The following SPIRE1 variants were observed in gnomAD, a reference collection of about 807,000 sequenced individuals.
SPIRE1 encodes protein spire homolog 1.
In SPIRE1, 40 loss-of-function variants were observed where a neutral mutation model predicts 94.1. The observed-to-expected ratio is 0.43, with a 90% CI of 0.33 to 0.55. The LOEUF (loss-of-function observed/expected upper bound fraction) is 0.55. SPIRE1 is among the 20% of genes least tolerant of loss of function. The pLI, the probability that SPIRE1 is intolerant of heterozygous loss-of-function variation, is 0.06. For missense variants in SPIRE1, 838 were observed against 975.2 expected (o/e 0.86, Z 1.87); for synonymous variants, 376 against 371.7 (o/e 1.01, Z -0.13).
chr18:12,658,095 C>A lies in SPIRE1; in HGVS notation c.-229G>T, dbSNP rs2038611679. On this transcript the variant is annotated 5_prime_UTR_variant, in exon 1 of 17. Coordinates refer to ENST00000409402, the MANE Select transcript of SPIRE1 (RefSeq NM_001128626.2). ...TCAGACAGCCGCCGGCCGGTAGCGA[C>A]GCGATGGCGTCCGGCGCCCCGCCCC... is the stretch of plus-strand genomic sequence containing the variant. 2 of 987,354 alleles carry A rather than the reference C, an allele frequency of 2.0e-6. No individual in the cohort carries two copies. Among genetic ancestry groups the A allele is most frequent in the Non-Finnish European group, 2.4e-6 (2 of 831,774 alleles). 61.2% of individuals were successfully genotyped at this position (987,354 alleles called of 1,614,324 possible). A position where few individuals can be genotyped will look rare whatever the true frequency, so the allele number is the denominator to read the frequency against.
chr18:12,601,082 C>G (rs368492116), intron 2 of SPIRE1, among the ~76,000 whole-genome samples: 10 of 152,210 alleles, frequency 6.6e-5, no homozygotes, highest in African/African-American at 2.4e-4. Flanking sequence ...GGCAGTCCTG[C>G]AAGCTGACTC....
chr18:12,584,528 T>C (rs932446609), intron 2 of SPIRE1, among the ~76,000 whole-genome samples: 1 of 152,032 alleles, frequency 6.6e-6, no homozygotes, highest in African/African-American at 2.4e-5. Flanking sequence ...CTGTACCAAA[T>C]AATATAGTCT....
chr18:12,615,847 T>C (rs2037293189), intron 2 of SPIRE1, among the ~76,000 whole-genome samples: 1 of 152,152 alleles, frequency 6.6e-6, no homozygotes, highest in African/African-American at 2.4e-5. Flanking sequence ...TCTCCTTTCA[T>C]TTCCTGCCTT....
chr18:12,530,900 T>C (rs2034661859), intron 4 of SPIRE1, among the ~76,000 whole-genome samples: 1 of 152,158 alleles, frequency 6.6e-6, no homozygotes, highest in African/African-American at 2.4e-5. Flanking sequence ...ACTGGAGAAT[T>C]TGGTGAGCAT....
intron 12 of SPIRE1, among the ~76,000 whole-genome samples, chr18:12,457,532 C>T (rs552186894): frequency 3.3e-5 from 5 of 152,234 alleles, no homozygotes; most frequent in Admixed American, 6.5e-5. Context: ...CAGATGTGGC[C>T]GGGTAAAGAA....
chr18:12,658,341 A>G (rs954597595), upstream of SPIRE1: 1 of 431,364 alleles, frequency 2.3e-6, no homozygotes, highest in Non-Finnish European at 4.6e-6. Flanking sequence ...TGGGGGCGCA[A>G]TGGTGAGGGC....
At position 12,657,566 on chromosome 18, in the gene SPIRE1, C is replaced by T; in HGVS notation, c.301G>A (p.Ala101Thr). Reference protein sequence around the residue: ...WRDGAVTLAPAADDAGEPPPV... With the variant: ...WRDGAVTLAPTADDAGEPPPV... ...GGCGGCTCTCCCGCGTCGTCGGCCG[C>T]GGGCGCCAGGGTGACGGCGCCGTCC... Residue 101 changes from alanine to threonine, a missense_variant, in exon 1 of 17, where the codon GCG becomes ACG. Physicochemically the swap from Ala to Thr is moderately conservative, Grantham distance 58. Around this residue, in one of 2 missense-constraint regions of SPIRE1, gnomAD observed 193 missense variants for 170.5 expected, o/e 1.13. Coordinates refer to ENST00000409402, the MANE Select transcript of SPIRE1 (RefSeq NM_001128626.2). 2 of 1,236,646 alleles carry T rather than the reference C, an allele frequency of 1.6e-6. No individual in the cohort carries two copies. The highest frequency in any genetic ancestry group is 2.0e-6 in the Non-Finnish European group (2 of 990,612). 76.6% of individuals were successfully genotyped at this position (1,236,646 alleles called of 1,614,324 possible). A position where few individuals can be genotyped will look rare whatever the true frequency, so the allele number is the denominator to read the frequency against.
intron 4 of SPIRE1, among the ~76,000 whole-genome samples, chr18:12,515,502 G>A (rs1187725180): frequency 6.6e-6 from 1 of 152,170 alleles, no homozygotes; most frequent in African/African-American, 2.4e-5. Context: ...GGGCGACAGA[G>A]AGAAACCCTG....
At chr18:12,552,602 A>G (rs111351215) in intron 2 of SPIRE1, among the ~76,000 whole-genome samples, 1 of 152,054 alleles carries the variant, frequency 6.6e-6, no homozygotes, top group Non-Finnish European at 1.5e-5. Context: ...GTAGTTAAAG[A>G]TCAACCCCTG....
At chr18:12,552,641 C>T (rs937504833) in intron 2 of SPIRE1, among the ~76,000 whole-genome samples, 1 of 152,092 alleles carries the variant, frequency 6.6e-6, no homozygotes, top group African/African-American at 2.4e-5. Flanking sequence ...ATAAAAAAAG[C>T]ACTGTGAAGA....
At chr18:12,455,863 T>C (rs963879519) in intron 12 of SPIRE1, among the ~76,000 whole-genome samples, 2 of 152,236 alleles carry the variant, frequency 1.3e-5, no homozygotes, top group South Asian at 4.1e-4. Context: ...AGTCAGTTTA[T>C]GGAGTTTTAA....
intron 8 of SPIRE1, 40 bp downstream of exon 8, chr18:12,493,032 G>A: frequency 6.4e-7 from 1 of 1,553,678 alleles, no homozygotes; most frequent in Non-Finnish European, 8.7e-7. Context: ...CTTTTCCCAG[G>A]GGATGACTCT....
chr18:12,589,936 A>G (rs1053103892), intron 2 of SPIRE1, among the ~76,000 whole-genome samples: 5 of 152,256 alleles, frequency 3.3e-5, no homozygotes, highest in African/African-American at 1.2e-4. Context: ...ATTTATATTG[A>G]TAAGAACAGA....
At chr18:12,620,732 C>G (rs1040120622) in intron 2 of SPIRE1, among the ~76,000 whole-genome samples, 1 of 152,056 alleles carries the variant, frequency 6.6e-6, no homozygotes, top group African/African-American at 2.4e-5. Context: ...TCTTCATGAT[C>G]TTGGATTTGG....
At chr18:12,508,617 A>T (rs1397317313) in intron 5 of SPIRE1, among the ~76,000 whole-genome samples, 4 of 151,974 alleles carry the variant, frequency 2.6e-5, no homozygotes, top group Non-Finnish European at 4.4e-5. Flanking sequence ...GAGACAGGAG[A>T]CAGTTACCCA....
At chr18:12,621,071 G>C (rs540599643) in intron 2 of SPIRE1, among the ~76,000 whole-genome samples, 17 of 152,208 alleles carry the variant, frequency 1.1e-4, no homozygotes, top group Middle Eastern at 3.4e-3. Context: ...AAGGGGGAGT[G>C]GGGGGCAAAG....
At chr18:12,567,525 G>A (rs1378591898) in intron 2 of SPIRE1, among the ~76,000 whole-genome samples, 1 of 152,150 alleles carries the variant, frequency 6.6e-6, no homozygotes, top group Non-Finnish European at 1.5e-5. Flanking sequence ...CTTAACTGGT[G>A]GATCACAGTG....
At chr18:12,584,796 T>C (rs745812148) in intron 2 of SPIRE1, among the ~76,000 whole-genome samples, 18 of 152,000 alleles carry the variant, frequency 1.2e-4, no homozygotes, top group Non-Finnish European at 2.5e-4. Flanking sequence ...TATATATTTT[T>C]TGAGAGGGAG....
intron 4 of SPIRE1, among the ~76,000 whole-genome samples, chr18:12,524,948 C>T (rs2034461172): frequency 6.6e-6 from 1 of 151,630 alleles, no homozygotes; most frequent in East Asian, 1.9e-4. Context: ...CCAGCCTGGG[C>T]AGCAGAGTGA....
Sources: gnomAD v4.1 joint callset for allele counts (sites outside exome capture counted in the v4.1 genomes callset) on GRCh38, gnomAD v4.1.1 for gene constraint, gnomAD v4.1.1 regional missense constraint, MANE v1.5 for transcripts, NCBI Gene and HGNC (gene_info 2026-07-23, HGNC 2026-07-21) for gene names.